The following WNT10A variants were observed in gnomAD, a reference collection of about 807,000 sequenced individuals.
WNT10A encodes protein Wnt-10a.
WNT10A carries 37 observed loss-of-function variants against 36.1 expected under a neutral mutation model. The ratio of observed to expected loss-of-function variants is 1.02; its 90% CI spans 0.79 to 1.35. The LOEUF (loss-of-function observed/expected upper bound fraction) is 1.35, where lower values mean the gene tolerates loss of function less well. WNT10A is among the 40% of genes most tolerant of loss of function. WNT10A has a pLI of 0.00. For synonymous variants in WNT10A, 255 were observed against 254.1 expected (o/e 1.00, Z -0.03); for missense variants, 613 against 601.4 (o/e 1.02, Z -0.20).
upstream of WNT10A, among the ~76,000 whole-genome samples, chr2:218,876,022 C>T (rs899531498): frequency 5.9e-5 from 9 of 152,200 alleles, no homozygotes; most frequent in African/African-American, 2.2e-4. Context: ...CCCTCTCCCT[C>T]GCCTCTGCAT....
chr2:218,886,312 C>G (rs1188330599), intron 2 of WNT10A, among the ~76,000 whole-genome samples: 2 of 152,202 alleles, frequency 1.3e-5, no homozygotes, highest in Non-Finnish European at 2.9e-5. Flanking sequence ...ACACTAGTCT[C>G]TCTCTCTCTG....
upstream of WNT10A, among the ~76,000 whole-genome samples, chr2:218,875,941 G>T (rs543636968): frequency 2.0e-5 from 3 of 152,240 alleles, no homozygotes; most frequent in African/African-American, 4.8e-5. Flanking sequence ...AAGTCCAGAG[G>T]TTAGTCTGAA....
At chr2:218,891,557 G>A (rs1220293785) in intron 3 of WNT10A, among the ~76,000 whole-genome samples, 2 of 152,162 alleles carry the variant, frequency 1.3e-5, no homozygotes, top group Admixed American at 6.5e-5. Flanking sequence ...CACCCAGCCT[G>A]CCCTGTACAG....
At chr2:218,875,541 G>C in the WNT10A span, among the ~76,000 whole-genome samples, 2 of 152,318 alleles carry the variant, frequency 1.3e-5, no homozygotes, top group Non-Finnish European at 2.9e-5. Context: ...GAAGCTGTAA[G>C]TATCTTCTCA....
At chr2:218,888,932 A>G (rs965305732) in intron 2 of WNT10A, among the ~76,000 whole-genome samples, 7 of 152,056 alleles carry the variant, frequency 4.6e-5, no homozygotes, top group African/African-American at 1.4e-4. Context: ...TTATTTATTT[A>G]TTTATTTCAA....
At chr2:218,889,873 T>A in intron 2 of WNT10A, 111 bp from the exon 3 acceptor site, 2 of 1,553,260 alleles carry the variant, frequency 1.3e-6, no homozygotes, top group South Asian at 2.3e-5. Flanking sequence ...TGTGCCAGAC[T>A]CTCCTGCATA....
At chr2:218,887,364 G>A (rs1367293943) in intron 2 of WNT10A, among the ~76,000 whole-genome samples, 1 of 152,166 alleles carries the variant, frequency 6.6e-6, no homozygotes, top group Middle Eastern at 3.4e-3. Flanking sequence ...ATGACTCCCC[G>A]GCAATAAGAG....
At chr2:218,886,680 C>T (rs1230683076) in intron 2 of WNT10A, among the ~76,000 whole-genome samples, 1 of 136,430 alleles carries the variant, frequency 7.3e-6, no homozygotes. Flanking sequence ...CTGGCCATGG[C>T]CCCACCCGCT....
At chr2:218,877,129 A>G (rs1242964317), upstream of WNT10A, among the ~76,000 whole-genome samples, 4 of 152,364 alleles carry the variant, frequency 2.6e-5, no homozygotes, top group African/African-American at 9.6e-5. The surrounding 1 kb of genome is among the most constrained non-coding windows in gnomAD (Gnocchi z 4.1). Flanking sequence ...CATTCTAGGC[A>G]GGTTAAAAGG....
chr2:218,876,872 G>T (rs1292577237), upstream of WNT10A, among the ~76,000 whole-genome samples: 1 of 144,180 alleles, frequency 6.9e-6, no homozygotes, highest in Non-Finnish European at 1.5e-5. Flanking sequence ...GGGAAACTCA[G>T]AGAGTGGTGG....
At chr2:218,887,406 G>C (rs1246867206) in intron 2 of WNT10A, among the ~76,000 whole-genome samples, 1 of 152,144 alleles carries the variant, frequency 6.6e-6, no homozygotes, top group East Asian at 1.9e-4. Flanking sequence ...TAAAAGGCAA[G>C]GGATAAATGC....
At chr2:218,879,067 TC>T (rs3840475), upstream of WNT10A, among the ~76,000 whole-genome samples, 47,458 of 138,758 alleles carry the variant, frequency 0.34, 11,466 homozygotes, top group African/African-American at 0.72. Flanking sequence ...GCCAGACTGC[TC>T]CCCCCCCACT....
At chr2:218,889,015 G>A (rs908703159) in intron 2 of WNT10A, among the ~76,000 whole-genome samples, 2 of 152,114 alleles carry the variant, frequency 1.3e-5, no homozygotes, top group African/African-American at 2.4e-5. Flanking sequence ...AGATTTTGGT[G>A]CACCCATCAC....
At chr2:218,888,413 C>T (rs996043312) in intron 2 of WNT10A, among the ~76,000 whole-genome samples, 1 of 152,256 alleles carries the variant, frequency 6.6e-6, no homozygotes, top group Non-Finnish European at 1.5e-5. Flanking sequence ...AGTGGCCAGG[C>T]CGGCCTAGCC....
intron 1 of WNT10A, 73 bp from the exon 2 acceptor site, chr2:218,882,086 CAG>C: frequency 1.3e-6 from 2 of 1,554,674 alleles, no homozygotes; most frequent in Non-Finnish European, 1.7e-6. Flanking sequence ...GCCGTTGGGA[CAG>C]AGTGTGTGTT....
chr2:218,879,128 C>T (rs1045337659), upstream of WNT10A, among the ~76,000 whole-genome samples: 3 of 140,972 alleles, frequency 2.1e-5, no homozygotes, highest in Non-Finnish European at 3.1e-5. Context: ...CTGACAGCTG[C>T]GGTGGCTGCC....
At chr2:218,879,390 A>G (rs1944483781), upstream of WNT10A, among the ~76,000 whole-genome samples, 1 of 152,228 alleles carries the variant, frequency 6.6e-6, no homozygotes, top group African/African-American at 2.4e-5. Context: ...CCCATTTTAC[A>G]GAGGAGGATG....
In WNT10A at chr2:218,881,024, T is replaced by G. The variant is rs920172499; in HGVS notation, c.29T>G (p.Leu10Arg). Reference sequence around the variant, plus strand: ...GGCAGCGCCCACCCTCGCCCCTGGCTGCGGCTCCGACCCCAGCCCCAGCCG... The same window carrying G: ...GGCAGCGCCCACCCTCGCCCCTGGCGGCGGCTCCGACCCCAGCCCCAGCCG... MGSAHPRPW[L>R]RLRPQPQPRP... The change falls in exon 1 of 4, where the codon CTG becomes CGG. Residue 10 changes from leucine to arginine, a missense_variant. Coordinates refer to ENST00000258411, the MANE Select transcript of WNT10A (RefSeq NM_025216.3). 9 of 1,596,866 alleles carry G rather than the reference T, an allele frequency of 5.6e-6. No homozygotes were observed. The African/African-American group carries it at 1.2e-4, about 21-fold the overall frequency.
At position 218,893,020 on chromosome 2, in the gene WNT10A, G is replaced by A. The variant is rs545956598; in HGVS notation, c.1003G>A (p.Asp335Asn). The change falls in exon 4 of 4, where the codon GAC becomes AAC. Residue 335 changes from aspartate (D) to asparagine (N), a missense_variant. Physicochemically the swap from Asp to Asn is conservative, Grantham distance 23. Transcript: ENST00000258411. The surrounding 1 kb of genome is among the most constrained non-coding windows in gnomAD (Gnocchi z 6.3). Reference protein sequence around the residue: ...PGPRRRASPADLVYFEKSPDF... With the variant: ...PGPRRRASPANLVYFEKSPDF... ...GCCGCGCCGACGGGCCAGCCCCGCC[G>A]ACCTGGTCTACTTCGAAAAGTCTCC... 3.2e-4 allele frequency: 508 copies of A among 1,590,534 alleles called. 6 individuals are homozygous for A. In the South Asian group the frequency reaches 5.3e-3, roughly 16 times the overall value.
Sources: allele counts gnomAD v4.1 joint callset (sites outside exome capture counted in the v4.1 genomes callset), GRCh38; gene constraint gnomAD v4.1.1; non-coding constraint Gnocchi (gnomAD v3.1); transcripts MANE v1.5; gene names NCBI Gene and HGNC (gene_info 2026-07-23, HGNC 2026-07-21).